Variants in MEI4 observed in about 807,000 individuals in gnomAD.
MEI4 encodes the protein meiotic double-stranded break formation protein 4, also known as meiosis-specific protein MEI4.
Under a neutral mutation model 31.4 loss-of-function variants are expected in MEI4, and 27 were observed. That is an observed-to-expected ratio of 0.86 (90% CI 0.63 to 1.19). MEI4 has a LOEUF of 1.19. Ranked by LOEUF, MEI4 falls within the 50% of genes most tolerant of loss-of-function variation. MEI4 has a pLI of 0.00. For synonymous variants in MEI4, 122 were observed against 145.4 expected (o/e 0.84, Z 1.16); for missense variants, 329 against 398.9 (o/e 0.82, Z 1.49).
chr6:77,734,923 G>A lies in MEI4; in HGVS notation c.233-26207G>A, dbSNP rs1474789234. On this transcript the variant is annotated intron_variant, in intron 2 of 4. Transcript: ENST00000684080. ...TAGTTTGGCTGGATATGAAATTCTG[G>A]GTTGAAAATTCTTTTCTTTAAGAAT... Among the ~76,000 whole-genome samples the A allele has an allele frequency of 4.0e-5, 6 of 151,868 alleles. No homozygotes were observed. In the East Asian group the frequency reaches 7.7e-4, roughly 20 times the overall value.
At chr6:77,852,172 G>A (rs1019070518) in intron 4 of MEI4, among the ~76,000 whole-genome samples, 1 of 152,154 alleles carries the variant, frequency 6.6e-6, no homozygotes, top group Non-Finnish European at 1.5e-5. Flanking sequence ...CAGCCTCTCT[G>A]TATCAGAAAA....
At chr6:77,668,322 A>C (rs567053691) in intron 1 of MEI4, among the ~76,000 whole-genome samples, 1 of 152,310 alleles carries the variant, frequency 6.6e-6, no homozygotes, top group African/African-American at 2.4e-5. Context: ...TGAGATTAAT[A>C]AGCAGAAGTT....
At chr6:77,802,575 T>C (rs1769297444) in intron 3 of MEI4, among the ~76,000 whole-genome samples, 1 of 152,346 alleles carries the variant, frequency 6.6e-6, no homozygotes, top group South Asian at 2.1e-4. Flanking sequence ...TCAATGGTCT[T>C]TATAACTTGG....
intron 4 of MEI4, among the ~76,000 whole-genome samples, chr6:77,920,370 A>C (rs964488301): frequency 6.6e-6 from 1 of 152,032 alleles, no homozygotes; most frequent in African/African-American, 2.4e-5. Context: ...AATGTAATAC[A>C]GCATATAAAC....
intron 4 of MEI4, among the ~76,000 whole-genome samples, chr6:77,864,048 C>A (rs1037176262): frequency 1.3e-5 from 2 of 152,276 alleles, no homozygotes; most frequent in Admixed American, 1.3e-4. Context: ...TTTGTCACCA[C>A]CAGGCCTGCC....
intron 4 of MEI4, among the ~76,000 whole-genome samples, chr6:77,831,524 T>C (rs1035194130): frequency 1.2e-4 from 18 of 150,608 alleles, no homozygotes; most frequent in Admixed American, 3.3e-4. Flanking sequence ...TATATATATA[T>C]ACCAAATAAT....
At chr6:77,669,075 C>T (rs2127644972) in intron 1 of MEI4, among the ~76,000 whole-genome samples, 1 of 152,278 alleles carries the variant, frequency 6.6e-6, no homozygotes, top group South Asian at 2.1e-4. Flanking sequence ...ATTTATTTAT[C>T]CTTCATTTTC....
upstream of MEI4, among the ~76,000 whole-genome samples, chr6:77,652,855 C>T (rs571349640): frequency 3.3e-5 from 5 of 152,254 alleles, no homozygotes; most frequent in South Asian, 6.2e-4. Context: ...TGACTACATA[C>T]GGGTTATCCA....
chr6:77,724,824 A>G (rs1481484994), intron 2 of MEI4, among the ~76,000 whole-genome samples: 535 of 145,010 alleles, frequency 3.7e-3, no homozygotes, highest in African/African-American at 0.013. Flanking sequence ...ATTATAGTCA[A>G]CATTTTGCGT....
intron 3 of MEI4, among the ~76,000 whole-genome samples, chr6:77,773,524 A>C (rs1768366399): frequency 6.6e-6 from 1 of 152,088 alleles, no homozygotes; most frequent in African/African-American, 2.4e-5. Flanking sequence ...AACATATACA[A>C]AAATCAAATC....
At chr6:77,761,926 C>G (rs1474981357) in intron 3 of MEI4, among the ~76,000 whole-genome samples, 1 of 152,162 alleles carries the variant, frequency 6.6e-6, no homozygotes, top group East Asian at 1.9e-4. Flanking sequence ...GTTTTATTAT[C>G]AGCACCCTTG....
chr6:77,798,529 A>G lies in MEI4; in HGVS notation c.769-30402A>G, dbSNP rs1305662638. 4.0e-5 allele frequency among the ~76,000 whole-genome samples: 6 copies of G among 151,806 alleles called. No individual in the cohort carries two copies. In the South Asian group the frequency reaches 6.3e-4, roughly 16 times the overall value. On this transcript the variant is annotated intron_variant, in intron 3 of 4. Coordinates refer to ENST00000684080, the MANE Select transcript of MEI4 (RefSeq NM_001322247.2). Reference sequence around the variant, plus strand: ...TATTATACTTTAAGTTTTAGGGTACATGTGCACATTGTGAAGGTTAGTTAC... The same window carrying G: ...TATTATACTTTAAGTTTTAGGGTACGTGTGCACATTGTGAAGGTTAGTTAC...
intron 2 of MEI4, among the ~76,000 whole-genome samples, chr6:77,699,189 C>CTTTTT (rs70974682): frequency 9.7e-5 from 11 of 113,824 alleles, no homozygotes; most frequent in African/African-American, 1.0e-4. Flanking sequence ...TTCAAAGTTT[C>CTTTTT]TTTTTTTTTT....
intron 4 of MEI4, among the ~76,000 whole-genome samples, chr6:77,883,819 T>C (rs1311826341): frequency 4.7e-5 from 7 of 149,592 alleles, no homozygotes; most frequent in Non-Finnish European, 1.0e-4. Context: ...TGAATAGTGC[T>C]ACAGTGAACA....
chr6:77,770,014 C>T (rs1409747759), intron 3 of MEI4, among the ~76,000 whole-genome samples: 1 of 151,716 alleles, frequency 6.6e-6, no homozygotes, highest in African/African-American at 2.4e-5. Flanking sequence ...CTGGTACCAG[C>T]TTGGCCGCAG....
Position 77,674,213 on chromosome 6 carries a change from G to A in MEI4, c.-14-16445G>A, listed in dbSNP as rs1453845160. 2.6e-5 allele frequency among the ~76,000 whole-genome samples: 4 copies of A among 152,102 alleles called. No individual in the cohort carries two copies. In the East Asian group the frequency reaches 7.7e-4, roughly 29 times the overall value. ...CATTAATTCTTTATTCAAATTCTAT[G>A]TTTAGGCCCTTGTTTTTAAGTCACA... On this transcript the variant is annotated intron_variant, in intron 1 of 4. Transcript: ENST00000684080.
At chr6:77,724,795 A>G (rs1483513896) in intron 2 of MEI4, among the ~76,000 whole-genome samples, 1 of 146,728 alleles carries the variant, frequency 6.8e-6, no homozygotes, top group East Asian at 2.0e-4. Flanking sequence ...GTTTCAGGAT[A>G]TATCACCTCC....
chr6:77,750,243 G>T (rs1288220247), intron 2 of MEI4, among the ~76,000 whole-genome samples: 1 of 152,104 alleles, frequency 6.6e-6, no homozygotes. Flanking sequence ...TAGCATCATA[G>T]TGGCAGGATC....
chr6:77,790,215 A>G (rs2127695429), intron 3 of MEI4, among the ~76,000 whole-genome samples: 2 of 140,108 alleles, frequency 1.4e-5, no homozygotes, highest in South Asian at 2.3e-4. Flanking sequence ...GAACACATGG[A>G]CACGGCAAGT....
Sources: allele counts gnomAD v4.1 joint callset (sites outside exome capture counted in the v4.1 genomes callset), GRCh38; gene constraint gnomAD v4.1.1; transcripts MANE v1.5; gene names NCBI Gene and HGNC (gene_info 2026-07-23, HGNC 2026-07-21).